RUNX1: variants seen among roughly 807,000 people sequenced by gnomAD.
RUNX1 encodes runt-related transcription factor 1.
A neutral mutation model predicts 42.8 loss-of-function variants in RUNX1; 19 were observed. That is an observed-to-expected ratio of 0.44 (90% CI 0.31 to 0.65). RUNX1 has a LOEUF of 0.65. Ranked by LOEUF, RUNX1 falls within the 30% of genes least tolerant of loss-of-function variation. RUNX1 has a pLI of 0.07. For missense variants in RUNX1, 528 were observed against 672.0 expected (o/e 0.79, Z 2.37); for synonymous variants, 271 against 289.4 (o/e 0.94, Z 0.64).
intron 2 of RUNX1, among the ~76,000 whole-genome samples, chr21:35,022,956 T>A (rs936913156): frequency 2.0e-5 from 3 of 151,534 alleles, no homozygotes; most frequent in African/African-American, 7.3e-5. Context: ...TTGACCTTTT[T>A]TTTTTTGAGA....
chr21:34,827,686 C>G (rs1373533124), intron 7 of RUNX1, among the ~76,000 whole-genome samples: 1 of 152,156 alleles, frequency 6.6e-6, no homozygotes, highest in African/African-American at 2.4e-5. Context: ...CATCCTGGTG[C>G]AGCACACCTT....
rs1281170216 is a variant in RUNX1 at position 34,859,572 on chromosome 21, C to G, written c.515G>C (p.Ser172Thr). Residue 172 changes from serine (S) to threonine (T), a missense_variant, in exon 6 of 9, where the codon AGC becomes ACC. Ser to Thr is a moderately conservative substitution (Grantham distance 58). This residue lies in a region of RUNX1 where 83 missense variants were observed against 174.5 expected (regional missense o/e 0.48). Coordinates refer to ENST00000675419, the MANE Select transcript of RUNX1 (RefSeq NM_001754.5). ...GAAGACAGTGATGGTCAGAGTGAAG[C>G]TTTTCCCTGTGGGGACACGATAGAG... ...RFVGRSGRGK[S>T]FTLTITVFTN... 6.2e-7 allele frequency: 1 copy of G among 1,613,764 alleles called. No homozygotes were observed. The highest frequency in any genetic ancestry group is 1.3e-5 in the African/African-American group (1 of 75,046).
chr21:34,819,251 T>G (rs2056873774), intron 7 of RUNX1, among the ~76,000 whole-genome samples: 1 of 152,196 alleles, frequency 6.6e-6, no homozygotes, highest in South Asian at 2.1e-4. Context: ...ATACCTGTTC[T>G]TTAGAAACTT....
chr21:34,919,722 G>C (rs573733757), intron 2 of RUNX1, among the ~76,000 whole-genome samples: 24 of 152,298 alleles, frequency 1.6e-4, no homozygotes, highest in African/African-American at 5.8e-4. Context: ...GAAGTGGCAT[G>C]CATTTTGGTA....
chr21:34,840,682 C>T (rs535629973), intron 6 of RUNX1, among the ~76,000 whole-genome samples: 2 of 152,262 alleles, frequency 1.3e-5, no homozygotes, highest in South Asian at 4.1e-4. Context: ...TGTCTTGATC[C>T]CCACCAGGTC....
intron 4 of RUNX1, among the ~76,000 whole-genome samples, chr21:34,886,228 C>T (rs1027331332): frequency 3.3e-5 from 5 of 152,198 alleles, no homozygotes; most frequent in Admixed American, 2.0e-4. Flanking sequence ...TCGATACTTG[C>T]GGCTTCTGGC....
chr21:34,823,514 G>T (rs1295892976), intron 7 of RUNX1, among the ~76,000 whole-genome samples: 1 of 138,612 alleles, frequency 7.2e-6, no homozygotes, highest in Non-Finnish European at 1.5e-5. Context: ...CCTGATCTCG[G>T]CTCACTGCAA....
At chr21:34,880,156 T>C (rs1413901460) in intron 5 of RUNX1, among the ~76,000 whole-genome samples, 1 of 152,242 alleles carries the variant, frequency 6.6e-6, no homozygotes, top group African/African-American at 2.4e-5. Flanking sequence ...TTTTCACAGA[T>C]AGCCCACAGA....
At chr21:34,819,007 T>C (rs1413448598) in intron 7 of RUNX1, among the ~76,000 whole-genome samples, 2 of 152,144 alleles carry the variant, frequency 1.3e-5, no homozygotes, top group Non-Finnish European at 2.9e-5. Context: ...CGCTCTGATA[T>C]GGGTGGTATC....
chr21:34,999,028 G>C (rs1009223967), intron 2 of RUNX1, among the ~76,000 whole-genome samples: 1 of 152,210 alleles, frequency 6.6e-6, no homozygotes, highest in African/African-American at 2.4e-5. Flanking sequence ...ATGGCAATAA[G>C]GAGGTCTGTT....
intron 2 of RUNX1, among the ~76,000 whole-genome samples, chr21:35,008,780 C>G (rs7275850): frequency 0.016 from 2,480 of 152,262 alleles, 66 homozygotes; most frequent in African/African-American, 0.057. Context: ...TGCTTCTAAC[C>G]ATACTGATTA....
chr21:35,047,384 T>C (rs551683090), intron 2 of RUNX1, among the ~76,000 whole-genome samples: 1 of 152,112 alleles, frequency 6.6e-6, no homozygotes, highest in African/African-American at 2.4e-5. Flanking sequence ...CACGTCTGCA[T>C]GATTCAACTT....
In RUNX1 at chr21:34,945,953, C is replaced by A. The variant is rs112636512; in HGVS notation, c.59-52990G>T. Among the ~76,000 whole-genome samples the A allele has an allele frequency of 8.0e-3, 1,214 of 152,314 alleles. 15 individuals carry two copies. Among genetic ancestry groups the A allele is most frequent in the African/African-American group, 0.023 (954 of 41,556 alleles). The stretch of plus-strand genomic sequence containing the variant: ...ACATATCCCAAAGCAAACTCATTGA[C>A]TGCTTCTCACCAAGGATCTTCTCTT... On this transcript the variant is annotated intron_variant, in intron 2 of 8. Transcript: ENST00000675419.
intron 2 of RUNX1, among the ~76,000 whole-genome samples, chr21:35,017,660 C>G (rs2059169189): frequency 6.6e-6 from 1 of 152,122 alleles, no homozygotes; most frequent in African/African-American, 2.4e-5. Context: ...TAAGTTTGCC[C>G]TGCTATGAAT....
chr21:35,029,404 T>C (rs1770716761), intron 2 of RUNX1, among the ~76,000 whole-genome samples: 1 of 152,194 alleles, frequency 6.6e-6, no homozygotes, highest in Non-Finnish European at 1.5e-5. Context: ...ATTTTTGTTA[T>C]CTAAACTCTG....
At chr21:34,831,141 G>A (rs1601409251) in intron 7 of RUNX1, among the ~76,000 whole-genome samples, 1 of 152,110 alleles carries the variant, frequency 6.6e-6, no homozygotes, top group South Asian at 2.1e-4. Context: ...TCTAAGACTC[G>A]ATCGTAGAAG....
At chr21:35,000,434 G>T (rs2059033007) in intron 2 of RUNX1, among the ~76,000 whole-genome samples, 1 of 151,904 alleles carries the variant, frequency 6.6e-6, no homozygotes. Context: ...TAAACACGGG[G>T]TTTCACCGTG....
intron 5 of RUNX1, among the ~76,000 whole-genome samples, chr21:34,860,064 T>A (rs943973809): frequency 1.3e-5 from 2 of 152,246 alleles, no homozygotes; most frequent in Admixed American, 1.3e-4. Context: ...ATTCTGTCTA[T>A]ATTTTTAAAA....
chr21:34,852,573 A>G (rs2057437217), intron 6 of RUNX1, among the ~76,000 whole-genome samples: 1 of 152,246 alleles, frequency 6.6e-6, no homozygotes, highest in African/African-American at 2.4e-5. Context: ...AGCTTAACAC[A>G]GAAGGAATTA....
Sources: allele counts gnomAD v4.1 joint callset (sites outside exome capture counted in the v4.1 genomes callset), GRCh38; gene constraint gnomAD v4.1.1; regional missense constraint gnomAD v4.1.1; transcripts MANE v1.5; gene names NCBI Gene and HGNC (gene_info 2026-07-23, HGNC 2026-07-21).